Variants in RFTN1 observed in about 807,000 individuals in gnomAD.
The protein encoded by RFTN1 is raftlin, lipid raft linker 1.
In RFTN1, 26 loss-of-function variants were observed where a neutral mutation model predicts 46.5. The ratio of observed to expected loss-of-function variants is 0.56; its 90% CI spans 0.41 to 0.78. RFTN1 has a LOEUF of 0.78. Among genes scored for constraint, RFTN1 ranks in the 30% least tolerant of loss-of-function variants. The probability of loss-of-function intolerance (pLI) is 0.00; values close to 1 mark genes in which losing one functional copy is unlikely to be tolerated. For missense variants in RFTN1, 693 were observed against 718.7 expected (o/e 0.96, Z 0.41); for synonymous variants, 261 against 284.2 (o/e 0.92, Z 0.82).
rs1286383017 is a variant in RFTN1 at position 16,446,949 on chromosome 3, G to A, written c.146-12912C>T. The stretch of plus-strand genomic sequence containing the variant: ...AAAATGACAAACTATGGAAACTATT[G>A]GAAATCATAAAGACCACGTGTAAGA... On this transcript the variant is annotated intron_variant, in intron 2 of 9. Transcript: ENST00000334133. The surrounding 1 kb of genome is among the most constrained non-coding windows in gnomAD (Gnocchi z 4.5). 6.6e-6 allele frequency among the ~76,000 whole-genome samples: 1 copy of A among 152,058 alleles called. No homozygotes were observed. The highest frequency in any genetic ancestry group is 1.5e-5 in the Non-Finnish European group (1 of 68,004).
chr3:16,431,379 T>A lies in RFTN1; in HGVS notation c.332+2472A>T, dbSNP rs547592060. ...GCATCTGCCCCATCTGGAAACAAGTTAGAAATGTAGAGTCCCAGGCCTCCC... is the reference window on the plus strand; with the variant it reads ...GCATCTGCCCCATCTGGAAACAAGTAAGAAATGTAGAGTCCCAGGCCTCCC... On this transcript the variant is annotated intron_variant, in intron 3 of 9. Coordinates refer to ENST00000334133, the MANE Select transcript of RFTN1 (RefSeq NM_015150.2). 2.6e-3 allele frequency among the ~76,000 whole-genome samples: 399 copies of A among 152,148 alleles called. 1 individual carries two copies. Among genetic ancestry groups the A allele is most frequent in the African/African-American group, 9.2e-3 (382 of 41,502 alleles).
At chr3:16,492,851 C>A (rs971348837) in intron 2 of RFTN1, among the ~76,000 whole-genome samples, 1 of 152,234 alleles carries the variant, frequency 6.6e-6, no homozygotes, top group African/African-American at 2.4e-5. Context: ...TCCCCCCCAA[C>A]ACTGGCCCAA....
rs2073832654 is a variant in RFTN1 at position 16,377,736 on chromosome 3, C to T, written c.808G>A (p.Glu270Lys). The change falls in exon 5 of 10, where the codon GAA becomes AAA. Residue 270 changes from glutamate to lysine, a missense_variant. Glu to Lys is a moderately conservative substitution (Grantham distance 56). Transcript: ENST00000334133. ...TACTTACTCCCTGAGAGTGGCTCTT[C>T]ATGCACCTCCAAGGGGTTGCTCTCC... Reference protein sequence around the residue: ...GPESNPLEVHEEPLSGKMEIF... With the variant: ...GPESNPLEVHKEPLSGKMEIF... 3 of 1,596,698 alleles carry T rather than the reference C, an allele frequency of 1.9e-6. No individual in the cohort carries two copies. The South Asian group carries it at 3.3e-5, about 18-fold the overall frequency.
At chr3:16,347,246 G>A (rs1253666121) in intron 7 of RFTN1, among the ~76,000 whole-genome samples, 1 of 152,150 alleles carries the variant, frequency 6.6e-6, no homozygotes, top group Non-Finnish European at 1.5e-5. Context: ...TACTGTCAAG[G>A]ACACCCTACA....
chr3:16,471,563 T>A (rs2076196479), intron 2 of RFTN1, among the ~76,000 whole-genome samples: 1 of 152,224 alleles, frequency 6.6e-6, no homozygotes, highest in African/African-American at 2.4e-5. Context: ...AGAAGGAAAC[T>A]TGCCCAGCAT....
rs529732150 is a variant in RFTN1, at chr3:16,456,267, G to C, written c.146-22230C>G. ...ACAGGCTGCCTTATTAACAATTACA[G>C]TAACCAGGGCTGTTCTTTTCAAAAG... is the stretch of plus-strand genomic sequence containing the variant. On this transcript the variant is annotated intron_variant, in intron 2 of 9. Transcript: ENST00000334133. Among the ~76,000 whole-genome samples, 32 of 152,268 alleles carry C rather than the reference G, an allele frequency of 2.1e-4. 1 individual carries two copies. The highest frequency in any genetic ancestry group is 3.4e-3 in the Middle Eastern group (1 of 294).
At position 16,481,910 on chromosome 3, in the gene RFTN1, A is replaced by C. The variant is rs1454132616; in HGVS notation, c.145+11815T>G. Among the ~76,000 whole-genome samples the C allele has an allele frequency of 6.6e-6, 1 of 152,220 alleles. No individual in the cohort carries two copies. Among genetic ancestry groups the C allele is most frequent in the Non-Finnish European group, 1.5e-5 (1 of 68,032 alleles). ...AAAGTCCCGATATTGGCACACTTAC[A>C]AAACTGGGACTAAGTGGCAGCCATC... is the stretch of plus-strand genomic sequence containing the variant. On this transcript the variant is annotated intron_variant, in intron 2 of 9. Transcript: ENST00000334133. This position sits in a 1 kb window ranked among gnomAD's most constrained non-coding sequence, Gnocchi z 5.1.
Position 16,413,873 on chromosome 3 carries a change from T to C in RFTN1, c.333-4390A>G, listed in dbSNP as rs574411214. On this transcript the variant is annotated intron_variant, in intron 3 of 9. Coordinates refer to ENST00000334133, the MANE Select transcript of RFTN1 (RefSeq NM_015150.2). This position sits in a 1 kb window ranked among gnomAD's most constrained non-coding sequence, Gnocchi z 4.7. Reference sequence around the variant, plus strand: ...GCAGGTAATACACCAGCTGTGAGCCTTTGGGCAATTTACTTAAACTTTCTG... The same window carrying C: ...GCAGGTAATACACCAGCTGTGAGCCCTTGGGCAATTTACTTAAACTTTCTG... 1.3e-5 allele frequency among the ~76,000 whole-genome samples: 2 copies of C among 152,336 alleles called. No individual in the cohort carries two copies. Among genetic ancestry groups the C allele is most frequent in the Non-Finnish European group, 2.9e-5 (2 of 68,042 alleles).
At chr3:16,325,832 G>A (rs2125221067) in intron 8 of RFTN1, among the ~76,000 whole-genome samples, 2 of 152,296 alleles carry the variant, frequency 1.3e-5, no homozygotes, top group African/African-American at 4.8e-5. Flanking sequence ...ACCCTGGTTT[G>A]CCAGCCTTGC....
rs1421292482 is a variant in RFTN1, at chr3:16,316,757, C to T, written c.*71G>A. On this transcript the variant is annotated 3_prime_UTR_variant, in exon 10 of 10. Coordinates refer to ENST00000334133, the MANE Select transcript of RFTN1 (RefSeq NM_015150.2). This position sits in a 1 kb window ranked among gnomAD's most constrained non-coding sequence, Gnocchi z 4.5. ...ACACACAACACCAGGGAAACCAGCC[C>T]CCAAACCAGCTGTTGGTAAGATGCC... 1 of 1,588,958 alleles carries T rather than the reference C, an allele frequency of 6.3e-7. No homozygotes were observed. The highest frequency in any genetic ancestry group is 8.6e-7 in the Non-Finnish European group (1 of 1,160,230).
intron 4 of RFTN1, among the ~76,000 whole-genome samples, chr3:16,393,685 G>A (rs930520616): frequency 3.2e-4 from 47 of 149,190 alleles, no homozygotes; most frequent in African/African-American, 1.1e-3. Context: ...TTCAGATGGA[G>A]TCTTGCTTTC....
chr3:16,443,673 G>A lies in RFTN1; in HGVS notation c.146-9636C>T, dbSNP rs1233573635. ...TAAAGCATCAGGCTGTCGTGACAAT[G>A]GGAGCGGGGAAGAGTTAAGTTGTTA... On this transcript the variant is annotated intron_variant, in intron 2 of 9. Transcript: ENST00000334133. This position sits in a 1 kb window ranked among gnomAD's most constrained non-coding sequence, Gnocchi z 5.5. Among the ~76,000 whole-genome samples the A allele has an allele frequency of 6.6e-6, 1 of 152,046 alleles. No individual in the cohort carries two copies. The highest frequency in any genetic ancestry group is 1.5e-5 in the Non-Finnish European group (1 of 68,038).
chr3:16,441,992 G>A (rs2075634347), intron 2 of RFTN1, among the ~76,000 whole-genome samples: 2 of 152,096 alleles, frequency 1.3e-5, no homozygotes, highest in Admixed American at 1.3e-4. Context: ...AATAATGTTT[G>A]CAGAAGACAA....
rs775907219 is a variant in RFTN1, at chr3:16,416,552, T to C, written c.333-7069A>G. ...AATGGTGGTGGGAAACTTGGGGAAG[T>C]GCATATGAGAATTCTCTGGAATACC... On this transcript the variant is annotated intron_variant, in intron 3 of 9. Coordinates refer to ENST00000334133, the MANE Select transcript of RFTN1 (RefSeq NM_015150.2). 2.6e-4 allele frequency among the ~76,000 whole-genome samples: 40 copies of C among 152,322 alleles called. 2 individuals carry two copies. The highest frequency in any genetic ancestry group is 2.0e-3 in the Admixed American group (30 of 15,302).
rs1476543488 is a variant in RFTN1 at position 16,336,322 on chromosome 3, A to G, written c.1147-9446T>C. ...CTTCTGCCCCAGGAGATCCCAGTCT[A>G]GGGGTGGGGAGAACAAGCACATGGT... On this transcript the variant is annotated intron_variant, in intron 7 of 9. Transcript: ENST00000334133. This position sits in a 1 kb window ranked among gnomAD's most constrained non-coding sequence, Gnocchi z 6.0. 1.3e-5 allele frequency among the ~76,000 whole-genome samples: 2 copies of G among 152,096 alleles called. No individual in the cohort carries two copies. The highest frequency in any genetic ancestry group is 2.9e-5 in the Non-Finnish European group (2 of 68,008).
chr3:16,375,979 G>A (rs1250221263), intron 5 of RFTN1, among the ~76,000 whole-genome samples: 1 of 152,182 alleles, frequency 6.6e-6, no homozygotes, highest in Non-Finnish European at 1.5e-5. Context: ...GGGCACCTGC[G>A]GAAGTTCCTT....
At position 16,322,818 on chromosome 3, in the gene RFTN1, TGAG is replaced by T. The variant is rs2069229696; in HGVS notation, c.1332+555_1332+557del. Among the ~76,000 whole-genome samples, 1 of 152,110 alleles carries T rather than the reference TGAG, an allele frequency of 6.6e-6. No individual in the cohort carries two copies. Among genetic ancestry groups the T allele is most frequent in the Non-Finnish European group, 1.5e-5 (1 of 68,002 alleles). On this transcript the variant is annotated intron_variant, in intron 9 of 9. Coordinates refer to ENST00000334133, the MANE Select transcript of RFTN1 (RefSeq NM_015150.2). The surrounding 1 kb of genome is among the most constrained non-coding windows in gnomAD (Gnocchi z 6.2). Reference sequence around the variant, plus strand: ...GGGGAAAAGGGCCCTGGGGATCTCTTGAGGACAGCCTGGCCTGAGGACTTGCTG... The same window carrying T: ...GGGGAAAAGGGCCCTGGGGATCTCTTGACAGCCTGGCCTGAGGACTTGCTG...
Position 16,361,721 on chromosome 3 carries a change from C to G in RFTN1, c.1031-3674G>C, listed in dbSNP as rs1207191342. Among the ~76,000 whole-genome samples, 2 of 152,180 alleles carry G rather than the reference C, an allele frequency of 1.3e-5. No individual in the cohort carries two copies. On this transcript the variant is annotated intron_variant, in intron 6 of 9. Transcript: ENST00000334133. The surrounding 1 kb of genome is among the most constrained non-coding windows in gnomAD (Gnocchi z 4.3). Reference sequence around the variant, plus strand: ...GCCAGCCACTTAGGGCTCTGTTCATCTGACTTGCTTGGCCAATGGGATATT... The same window carrying G: ...GCCAGCCACTTAGGGCTCTGTTCATGTGACTTGCTTGGCCAATGGGATATT...
In RFTN1 at chr3:16,345,821, C is replaced by T. The variant is rs796599277; in HGVS notation, c.1146+12111G>A. Among the ~76,000 whole-genome samples the T allele has an allele frequency of 0.37, 31,427 of 84,492 alleles. 3,610 individuals are homozygous for T. Among genetic ancestry groups the T allele is most frequent in the Middle Eastern group, 0.51 (80 of 156 alleles). 55.4% of individuals were successfully genotyped at this position (84,492 alleles called of 152,430 possible). Reference sequence around the variant, plus strand: ...GTGTGTGTGTGTGTGTGTGTGTGCGCGCGCGCGTGCGCGCACGCGCACATG... The same window carrying T: ...GTGTGTGTGTGTGTGTGTGTGTGCGTGCGCGCGTGCGCGCACGCGCACATG... On this transcript the variant is annotated intron_variant, in intron 7 of 9. Coordinates refer to ENST00000334133, the MANE Select transcript of RFTN1 (RefSeq NM_015150.2). This position sits in a 1 kb window ranked among gnomAD's most constrained non-coding sequence, Gnocchi z 5.2.
Sources: allele counts gnomAD v4.1 joint callset (sites outside exome capture counted in the v4.1 genomes callset), GRCh38; gene constraint gnomAD v4.1.1; non-coding constraint Gnocchi (gnomAD v3.1); transcripts MANE v1.5; gene names NCBI Gene and HGNC (gene_info 2026-07-23, HGNC 2026-07-21).